Variants in RGS21 observed in about 807,000 individuals in gnomAD.
The protein encoded by RGS21 is regulator of G-protein signalling 21.
RGS21 carries 19 observed loss-of-function variants against 18.7 expected under a neutral mutation model. The ratio of observed to expected loss-of-function variants is 1.01; its 90% CI spans 0.71 to 1.49. RGS21 has a LOEUF of 1.49. Among genes scored for constraint, RGS21 ranks in the 40% most tolerant of loss-of-function variants. RGS21 has a pLI of 0.00. For missense variants in RGS21, 194 were observed against 176.8 expected (o/e 1.10, Z -0.55); for synonymous variants, 56 against 57.8 (o/e 0.97, Z 0.14).
chr1:192,353,461 G>A (rs1470958292), intron 4 of RGS21, among the ~76,000 whole-genome samples: 1 of 151,834 alleles, frequency 6.6e-6, no homozygotes, highest in Non-Finnish European at 1.5e-5. Flanking sequence ...TTGTAAGGTT[G>A]ATTGATGTGT....
At chr1:192,327,863 T>C (rs923201423) in intron 1 of RGS21, among the ~76,000 whole-genome samples, 3 of 152,180 alleles carry the variant, frequency 2.0e-5, no homozygotes, top group Non-Finnish European at 4.4e-5. Flanking sequence ...GAAAGCCTGT[T>C]ATATCCCCTG....
chr1:192,358,963 G>A (rs1010484854), intron 4 of RGS21, among the ~76,000 whole-genome samples: 1 of 151,994 alleles, frequency 6.6e-6, no homozygotes, highest in African/African-American at 2.4e-5. Context: ...TCATTTTAAT[G>A]CAATGGATTG....
At chr1:192,355,208 A>G (rs1420051433) in intron 4 of RGS21, among the ~76,000 whole-genome samples, 1 of 151,686 alleles carries the variant, frequency 6.6e-6, no homozygotes, top group Non-Finnish European at 1.5e-5. Flanking sequence ...TCCTCATCTG[A>G]AAAAGTATAA....
intron 1 of RGS21, among the ~76,000 whole-genome samples, chr1:192,321,289 C>T (rs1052327950): frequency 6.6e-6 from 1 of 151,764 alleles, no homozygotes; most frequent in Non-Finnish European, 1.5e-5. Flanking sequence ...TAAAACTGTC[C>T]ATCAACTAAT....
chr1:192,346,327 T>A (rs990131391), intron 2 of RGS21, among the ~76,000 whole-genome samples: 2 of 152,126 alleles, frequency 1.3e-5, no homozygotes, highest in African/African-American at 4.8e-5. Flanking sequence ...CACACTAGTA[T>A]GTTTAAGATT....
chr1:192,343,124 G>A, intron 2 of RGS21, 77 bp downstream of exon 2: 1 of 1,318,704 alleles, frequency 7.6e-7, no homozygotes, highest in Non-Finnish European at 1.1e-6. Flanking sequence ...TAGTCTCGAT[G>A]TTTTATTTCC....
At chr1:192,326,346 C>T (rs896856951) in intron 1 of RGS21, among the ~76,000 whole-genome samples, 3 of 152,116 alleles carry the variant, frequency 2.0e-5, no homozygotes, top group East Asian at 1.9e-4. Flanking sequence ...TCTCTTAAAA[C>T]GGCTAAACAA....
At chr1:192,363,060 TTTGA>T (rs1248905983) in intron 4 of RGS21, among the ~76,000 whole-genome samples, 1 of 152,058 alleles carries the variant, frequency 6.6e-6, no homozygotes, top group Non-Finnish European at 1.5e-5. Flanking sequence ...TGACTTTCAG[TTTGA>T]TTGAGATATT....
chr1:192,319,315 C>A (rs1254226459), intron 1 of RGS21, among the ~76,000 whole-genome samples: 1 of 151,950 alleles, frequency 6.6e-6, no homozygotes, highest in African/African-American at 2.4e-5. Context: ...TTTTTTATAT[C>A]AGTTGTTTCA....
At chr1:192,322,661 C>T (rs554367237) in intron 1 of RGS21, among the ~76,000 whole-genome samples, 55 of 152,166 alleles carry the variant, frequency 3.6e-4, no homozygotes, top group African/African-American at 1.3e-3. Flanking sequence ...AGCCAGGATC[C>T]CACGCTAGAG....
intron 1 of RGS21, among the ~76,000 whole-genome samples, chr1:192,325,726 T>C (rs1658560290): frequency 6.6e-6 from 1 of 152,142 alleles, no homozygotes; most frequent in African/African-American, 2.4e-5. Context: ...TTTATATGCT[T>C]GTTTGCTGTA....
intron 2 of RGS21, among the ~76,000 whole-genome samples, chr1:192,344,151 G>A (rs1658913960): frequency 6.6e-6 from 1 of 151,956 alleles, no homozygotes; most frequent in African/African-American, 2.4e-5. Context: ...TAAGCTTTCA[G>A]TTGAGCAGCC....
In RGS21 at chr1:192,352,241, G is replaced by C; in HGVS notation, c.255+28G>C. ...GAGTGAACTACTTCAGAACAGTGAA[G>C]AGTCATCCTGTAGCAGATCTGCTCC... On this transcript the variant is annotated intron_variant, in intron 4 of 4. Coordinates refer to ENST00000417209, the MANE Select transcript of RGS21 (RefSeq NM_001039152.3). 3 of 1,536,772 alleles carry C rather than the reference G, an allele frequency of 2.0e-6. No homozygotes were observed. In the South Asian group the frequency reaches 3.7e-5, roughly 19 times the overall value.
At chr1:192,353,257 G>A (rs1302305523) in intron 4 of RGS21, among the ~76,000 whole-genome samples, 1 of 151,918 alleles carries the variant, frequency 6.6e-6, no homozygotes, top group African/African-American at 2.4e-5. Flanking sequence ...GTTTTAGATA[G>A]ACATTAATTA....
rs1188361231 is a variant in RGS21 at position 192,317,014 on chromosome 1, A to C, written c.-152A>C. The C allele has an allele frequency of 6.6e-6, 1 of 151,946 alleles. No homozygotes were observed. Among genetic ancestry groups the C allele is most frequent in the Non-Finnish European group, 1.5e-5 (1 of 67,838 alleles). 9.4% of individuals were successfully genotyped at this position (151,946 alleles called of 1,614,324 possible). A position where few individuals can be genotyped will look rare whatever the true frequency, so the allele number is the denominator to read the frequency against. On this transcript the variant is annotated 5_prime_UTR_variant, in exon 1 of 5. Transcript: ENST00000417209. ...AAAGTTACCACTTGGAAAACAATTC[A>C]TCTGAAAGAAGCACAGATTTTCTCA...
intron 4 of RGS21, among the ~76,000 whole-genome samples, chr1:192,362,928 C>A (rs781194222): frequency 3.9e-5 from 6 of 152,014 alleles, no homozygotes; most frequent in Non-Finnish European, 5.9e-5. Flanking sequence ...TAAATATCAT[C>A]TTAGCAATGC....
chr1:192,355,651 A>T (rs552873381), intron 4 of RGS21, among the ~76,000 whole-genome samples: 158 of 151,700 alleles, frequency 1.0e-3, no homozygotes, highest in African/African-American at 3.7e-3. Context: ...ATAATGTGGG[A>T]GTGGCAAACA....
rs555980908 is a variant in RGS21 at position 192,366,924 on chromosome 1, G to A, written c.*800G>A. Reference sequence around the variant, plus strand: ...GCAACATTATCTACTCAATTGTGGGGAAGTATCTATTCACTCCTTCAGCAC... The same window carrying A: ...GCAACATTATCTACTCAATTGTGGGAAAGTATCTATTCACTCCTTCAGCAC... On this transcript the variant is annotated 3_prime_UTR_variant, in exon 5 of 5. Coordinates refer to ENST00000417209, the MANE Select transcript of RGS21 (RefSeq NM_001039152.3). The A allele has an allele frequency of 6.6e-6, 1 of 152,012 alleles. No homozygotes were observed. The highest frequency in any genetic ancestry group is 2.4e-5 in the African/African-American group (1 of 41,410). 9.4% of individuals were successfully genotyped at this position (152,012 alleles called of 1,614,324 possible).
chr1:192,360,635 C>T (rs1659173549), intron 4 of RGS21, among the ~76,000 whole-genome samples: 1 of 152,102 alleles, frequency 6.6e-6, no homozygotes, highest in South Asian at 2.1e-4. Context: ...TAGTCCCTGA[C>T]TTAAAATTCT....
Sources: allele counts gnomAD v4.1 joint callset (sites outside exome capture counted in the v4.1 genomes callset), GRCh38; gene constraint gnomAD v4.1.1; transcripts MANE v1.5; gene names NCBI Gene and HGNC (gene_info 2026-07-23, HGNC 2026-07-21).